The following CDC73 variants were observed in gnomAD, a reference collection of about 807,000 sequenced individuals.
CDC73 encodes the protein parafibromin.
CDC73 carries 21 observed loss-of-function variants against 83.7 expected under a neutral mutation model. That is an observed-to-expected ratio of 0.25 (90% confidence interval 0.18 to 0.36). The LOEUF (loss-of-function observed/expected upper bound fraction) is 0.36. Among genes scored for constraint, CDC73 ranks in the 10% least tolerant of loss-of-function variants. CDC73 has a pLI of 1.00. For synonymous variants in CDC73, 224 were observed against 212.9 expected, an observed-to-expected ratio of 1.05 and a Z score of -0.45; for missense variants, 342 against 653.3, an observed-to-expected ratio of 0.52 and a Z score of 5.19.
intron 13 of CDC73, among the ~76,000 whole-genome samples, chr1:193,222,998 C>G (rs1677499117): frequency 6.6e-6 from 1 of 152,038 alleles, no homozygotes; most frequent in Non-Finnish European, 1.5e-5. Context: ...TCCATTGCAC[C>G]TTAAACTTCA....
chr1:193,184,928 AG>A (rs1389172126), intron 10 of CDC73, among the ~76,000 whole-genome samples: 1 of 151,992 alleles, frequency 6.6e-6, no homozygotes, highest in African/African-American at 2.4e-5. Flanking sequence ...TGTGAAATTG[AG>A]GAAAAATCAG....
rs1471018502 is a variant in CDC73 at position 193,254,184 on chromosome 1, T to A, written c.*3472T>A. On this transcript the variant is annotated 3_prime_UTR_variant, in exon 17 of 17. Coordinates refer to ENST00000367435, the MANE Select transcript of CDC73 (RefSeq NM_024529.5). ...AAGCCCTTCATATACACATACTTTTTAAAAAAAGATTCTTAATAAAGAAAT... is the reference window on the plus strand; with the variant it reads ...AAGCCCTTCATATACACATACTTTTAAAAAAAAGATTCTTAATAAAGAAAT... Among the ~76,000 whole-genome samples, 5 of 151,966 alleles carry A rather than the reference T, an allele frequency of 3.3e-5. No individual in the cohort carries two copies. Among genetic ancestry groups the A allele is most frequent in the African/African-American group, 1.2e-4 (5 of 41,528 alleles).
At chr1:193,242,377 G>T (rs1390668380) in intron 15 of CDC73, among the ~76,000 whole-genome samples, 2 of 152,200 alleles carry the variant, frequency 1.3e-5, no homozygotes, top group Non-Finnish European at 2.9e-5. Flanking sequence ...AGGTGGGAAT[G>T]TGGACCATTA....
At chr1:193,200,380 G>A (rs1383433950) in intron 10 of CDC73, among the ~76,000 whole-genome samples, 1 of 152,104 alleles carries the variant, frequency 6.6e-6, no homozygotes, top group Non-Finnish European at 1.5e-5. Flanking sequence ...CTGGTACTTT[G>A]CAAATATCAG....
At position 193,177,528 on chromosome 1, in the gene CDC73, T is replaced by TAAAAAAAAA. The variant is rs556503372; in HGVS notation, c.972+25095_972+25103dup. ...CTGGGCGACAGAGCAAGACTCTGTC[T>TAAAAAAAAA]AAAAAAAAAAAAAAAAAAAGAACAT... On this transcript the variant is annotated intron_variant, in intron 10 of 16. Transcript: ENST00000367435. Among the ~76,000 whole-genome samples, 15 of 104,428 alleles carry TAAAAAAAAA rather than the reference T, an allele frequency of 1.4e-4. No individual in the cohort carries two copies. In the South Asian group the frequency reaches 4.9e-3, roughly 34 times the overall value. The allele number at this position is 104,428 out of a possible 152,430, so 68.5% of individuals were successfully genotyped here. A position where few individuals can be genotyped will look rare whatever the true frequency, so the allele number is the denominator to read the frequency against.
chr1:193,145,693 G>T (rs1211635132), intron 7 of CDC73, among the ~76,000 whole-genome samples: 4 of 152,258 alleles, frequency 2.6e-5, no homozygotes, highest in African/African-American at 9.6e-5. Context: ...TCAGTAATTT[G>T]TAAGAGTGCA....
intron 10 of CDC73, among the ~76,000 whole-genome samples, chr1:193,196,707 C>T (rs1367381108): frequency 1.3e-5 from 2 of 152,014 alleles, no homozygotes; most frequent in African/African-American, 4.8e-5. Context: ...CTTTTTAATG[C>T]TATTGTAAGT....
intron 2 of CDC73, 43 bp downstream of exon 2, chr1:193,125,260 T>C: frequency 8.6e-7 from 1 of 1,159,244 alleles, no homozygotes; most frequent in Non-Finnish European, 1.3e-6. Context: ...TTATCAGTTT[T>C]ATTTTTATTT....
At position 193,233,092 on chromosome 1, in the gene CDC73, A is replaced by C. The variant is rs1364135790; in HGVS notation, c.1254A>C (p.Ala418=). 6.2e-7 allele frequency: 1 copy of C among 1,613,596 alleles called. No homozygotes were observed. The highest frequency in any genetic ancestry group is 8.5e-7 in the Non-Finnish European group (1 of 1,179,634). The change falls in exon 14 of 17, where the codon GCA becomes GCC. Residue 418 remains alanine, a synonymous_variant. Coordinates refer to ENST00000367435, the MANE Select transcript of CDC73 (RefSeq NM_024529.5). The part of the protein sequence containing the change: ...RKDQMQPGGT[A]ISVTVPYRVV... Reference sequence around the variant, plus strand: ...ACCAGATGCAACCAGGGGGCACTGCAATTAGTGTTACAGTACCTTATAGAG... The same window carrying C: ...ACCAGATGCAACCAGGGGGCACTGCCATTAGTGTTACAGTACCTTATAGAG...
At chr1:193,223,735 C>G (rs1677511916) in intron 13 of CDC73, among the ~76,000 whole-genome samples, 1 of 152,172 alleles carries the variant, frequency 6.6e-6, no homozygotes, top group South Asian at 2.1e-4. Context: ...TTTGCAAATC[C>G]AATGAATAGC....
At chr1:193,245,451 G>A (rs1677937918) in intron 15 of CDC73, among the ~76,000 whole-genome samples, 1 of 150,822 alleles carries the variant, frequency 6.6e-6, no homozygotes, top group Non-Finnish European at 1.5e-5. Flanking sequence ...CAAATGACAG[G>A]ATTTCATTTT....
chr1:193,238,675 A>G (rs1270697191), intron 15 of CDC73, among the ~76,000 whole-genome samples: 2 of 152,232 alleles, frequency 1.3e-5, no homozygotes, highest in Non-Finnish European at 2.9e-5. Context: ...GCCTTAACTG[A>G]TAACATAAAC....
chr1:193,165,199 A>G (rs1256902606), intron 10 of CDC73, among the ~76,000 whole-genome samples: 3 of 152,142 alleles, frequency 2.0e-5, no homozygotes, highest in Non-Finnish European at 4.4e-5. Context: ...CACTTTCTCT[A>G]CCTTTCACTT....
intron 10 of CDC73, among the ~76,000 whole-genome samples, chr1:193,168,677 C>T (rs1052452112): frequency 2.0e-5 from 3 of 152,074 alleles, no homozygotes; most frequent in Non-Finnish European, 2.9e-5. Flanking sequence ...GCGCCTGCCA[C>T]CATGGCTGGC....
chr1:193,123,943 A>G (rs138191794), intron 1 of CDC73, among the ~76,000 whole-genome samples: 298 of 152,388 alleles, frequency 2.0e-3, no homozygotes, highest in Non-Finnish European at 2.9e-3. Context: ...TTCACATCCA[A>G]CAAAGTTTTC....
intron 13 of CDC73, among the ~76,000 whole-genome samples, chr1:193,232,558 G>A (rs1480165973): frequency 6.6e-6 from 1 of 152,148 alleles, no homozygotes; most frequent in African/African-American, 2.4e-5. Context: ...TACTTGCAGA[G>A]CAGGTTTATT....
chr1:193,174,702 G>A (rs1255008837), intron 10 of CDC73, among the ~76,000 whole-genome samples: 1 of 152,012 alleles, frequency 6.6e-6, no homozygotes, highest in East Asian at 1.9e-4. Flanking sequence ...TCAGTAAATG[G>A]CACTGTCAGT....
intron 15 of CDC73, among the ~76,000 whole-genome samples, chr1:193,237,809 T>G (rs1359982590): frequency 1.3e-5 from 2 of 152,136 alleles, no homozygotes; most frequent in Admixed American, 6.5e-5. Context: ...GGAAAAAACC[T>G]GTGTCTGCGT....
chr1:193,164,063 G>A (rs1676390655), intron 10 of CDC73, among the ~76,000 whole-genome samples: 2 of 152,202 alleles, frequency 1.3e-5, no homozygotes, highest in South Asian at 4.1e-4. Context: ...GAGCCACCAT[G>A]CCCAGCCCAG....
Sources: gnomAD v4.1 joint callset for allele counts (sites outside exome capture counted in the v4.1 genomes callset) on GRCh38, gnomAD v4.1.1 for gene constraint, MANE v1.5 for transcripts, NCBI Gene and HGNC (gene_info 2026-07-23, HGNC 2026-07-21) for gene names.